The following COL4A6 variants were observed in gnomAD, a reference collection of about 807,000 sequenced individuals.
COL4A6 encodes collagen alpha-6(IV) chain.
Under a neutral mutation model 126.7 loss-of-function variants are expected in COL4A6, and 59 were observed. The observed-to-expected ratio is 0.47, with a 90% CI of 0.38 to 0.58. The LOEUF (loss-of-function observed/expected upper bound fraction) is 0.58, where lower values mean the gene tolerates loss of function less well. COL4A6 is among the 20% of genes least tolerant of loss of function. The pLI is 0.00. For missense variants in COL4A6, 1,285 were observed against 1,337.3 expected (o/e 0.96, Z 0.61); for synonymous variants, 547 against 496.6 (o/e 1.10, Z -1.35).
At chrX:108,239,957 A>G (rs892018636) in intron 3 of COL4A6, among the ~76,000 whole-genome samples, 3 of 111,954 alleles carry the variant, frequency 2.7e-5, no homozygotes, top group Admixed American at 9.5e-5. Flanking sequence ...ATGGCATTGA[A>G]TTTGGCTGGG....
chrX:108,358,656 G>A (rs1439521535), intron 2 of COL4A6, among the ~76,000 whole-genome samples: 1 of 111,664 alleles, frequency 9.0e-6, no homozygotes, highest in Non-Finnish European at 1.9e-5. Context: ...CAGCCTCCCA[G>A]AGTGCTGGGA....
chrX:108,293,742 T>C (rs758188332), intron 3 of COL4A6, among the ~76,000 whole-genome samples: 5 of 111,435 alleles, frequency 4.5e-5, no homozygotes, highest in Non-Finnish European at 9.4e-5. Context: ...CTGGGAATCA[T>C]TGTAGATTCT....
intron 2 of COL4A6, among the ~76,000 whole-genome samples, chrX:108,313,816 A>G (rs2038818735): frequency 8.9e-6 from 1 of 112,316 alleles, no homozygotes; most frequent in Non-Finnish European, 1.9e-5. Flanking sequence ...GAGAATTATT[A>G]TGAATGTAAC....
At chrX:108,269,650 A>C (rs2037397980) in intron 3 of COL4A6, among the ~76,000 whole-genome samples, 1 of 112,103 alleles carries the variant, frequency 8.9e-6, no homozygotes, top group Non-Finnish European at 1.9e-5. Flanking sequence ...GTCAGTAATA[A>C]GCATGTTGAC....
intron 2 of COL4A6, among the ~76,000 whole-genome samples, chrX:108,359,320 G>A (rs1428666341): frequency 1.8e-5 from 2 of 112,317 alleles, no homozygotes; most frequent in African/African-American, 3.2e-5. Flanking sequence ...AATCAGTGAC[G>A]GGAGCTAAGA....
chrX:108,307,677 C>A (rs920391332), intron 3 of COL4A6, among the ~76,000 whole-genome samples: 1 of 112,131 alleles, frequency 8.9e-6, no homozygotes, highest in Admixed American at 9.4e-5. Flanking sequence ...GTTGCCCTCC[C>A]AGCTCAAGAG....
chrX:108,170,489 A>G (rs1271671589), intron 35 of COL4A6, 120 bp downstream of exon 35: 1 of 586,868 alleles, frequency 1.7e-6, no homozygotes. Context: ...ATGATTCCTC[A>G]TGTCCAATGA....
Position 108,292,470 on chromosome X carries a change from A to G in COL4A6, c.144+18278T>C, listed in dbSNP as rs942161620. On this transcript the variant is annotated intron_variant, in intron 3 of 44. Transcript: ENST00000334504. ...GATTGTTATCATTTCCTTTATTAGG[A>G]GTTTATGAAGCTCTTTAAGAGTGAA... is the stretch of plus-strand genomic sequence containing the variant. Among the ~76,000 whole-genome samples, 3 of 111,851 alleles carry G rather than the reference A, an allele frequency of 2.7e-5. No homozygotes were observed. In the East Asian group the frequency reaches 8.5e-4, roughly 32 times the overall value.
chrX:108,213,294 G>A (rs763792367), intron 6 of COL4A6, among the ~76,000 whole-genome samples: 1 of 112,327 alleles, frequency 8.9e-6, no homozygotes, highest in Non-Finnish European at 1.9e-5. Flanking sequence ...ATTATTTCAA[G>A]GGAGGTTGAC....
intron 3 of COL4A6, among the ~76,000 whole-genome samples, chrX:108,247,124 C>T (rs1355977864): frequency 9.1e-6 from 1 of 110,476 alleles, no homozygotes; most frequent in African/African-American, 3.3e-5. Flanking sequence ...CACCTCTCAC[C>T]CCTCACTATT....
In COL4A6 at chrX:108,313,713, A is replaced by G. The variant is rs760325792; in HGVS notation, c.64-2885T>C. Among the ~76,000 whole-genome samples the G allele has an allele frequency of 4.5e-5, 5 of 112,087 alleles. No homozygotes were observed. The East Asian group carries it at 1.1e-3, about 25-fold the overall frequency. ...AAAAAAAAGAAGAAAAGTAATTTAT[A>G]TTAAAAAGATATGTATTTCAATATA... On this transcript the variant is annotated intron_variant, in intron 2 of 44. Coordinates refer to ENST00000334504, the MANE Select transcript of COL4A6 (RefSeq NM_033641.4).
chrX:108,362,161 A>T (rs1191649467), intron 2 of COL4A6, among the ~76,000 whole-genome samples: 1 of 111,397 alleles, frequency 9.0e-6, no homozygotes, highest in Non-Finnish European at 1.9e-5. Context: ...ATAGAAAGTG[A>T]AATAACATAC....
intron 2 of COL4A6, among the ~76,000 whole-genome samples, chrX:108,435,241 T>C (rs186568811): frequency 2.7e-5 from 3 of 111,806 alleles, no homozygotes; most frequent in Non-Finnish European, 5.6e-5. Context: ...GACCTTTTCC[T>C]GAAAGCTCAT....
chrX:108,321,985 G>A (rs1490537009), intron 2 of COL4A6, among the ~76,000 whole-genome samples: 1 of 111,448 alleles, frequency 9.0e-6, no homozygotes, highest in Non-Finnish European at 1.9e-5. Context: ...CAGCTAGGGA[G>A]CAGCATAAAT....
At chrX:108,190,301 T>C in intron 20 of COL4A6, 91 bp downstream of exon 20, 3 of 581,586 alleles carry the variant, frequency 5.2e-6, no homozygotes, top group East Asian at 6.7e-5. Context: ...TTGCTTCTGT[T>C]TAGGTTCCCG....
At chrX:108,305,817 T>C (rs2038613426) in intron 3 of COL4A6, among the ~76,000 whole-genome samples, 1 of 111,716 alleles carries the variant, frequency 9.0e-6, no homozygotes, top group African/African-American at 3.3e-5. Context: ...GGGGAAGACA[T>C]AGATAGAATT....
At chrX:108,304,229 CATATA>C (rs1210346705) in intron 3 of COL4A6, among the ~76,000 whole-genome samples, 1 of 112,113 alleles carries the variant, frequency 8.9e-6, no homozygotes, top group Non-Finnish European at 1.9e-5. Context: ...CTCACTAGTA[CATATA>C]ATATATTCCA....
chrX:108,275,023 C>T (rs974327887), intron 3 of COL4A6, among the ~76,000 whole-genome samples: 1 of 110,975 alleles, frequency 9.0e-6, no homozygotes, highest in African/African-American at 3.3e-5. Context: ...TTCCATAGCA[C>T]AGAATTATTT....
chrX:108,178,735 T>A lies in COL4A6; in HGVS notation c.2464A>T (p.Ile822Phe). Reference sequence around the variant, plus strand: ...CCTGGGAGCCCAGATTTGCCCTTGATGCCATATGGACCACTAGATCCTGGG... The same window carrying A: ...CCTGGGAGCCCAGATTTGCCCTTGAAGCCATATGGACCACTAGATCCTGGG... Reference protein sequence around the residue: ...GTPGSSGPYGIKGKSGLPGAP... With the variant: ...GTPGSSGPYGFKGKSGLPGAP... The change falls in exon 27 of 45, where the codon ATC becomes TTC. Residue 822 changes from isoleucine (I) to phenylalanine (F), a missense_variant. Transcript: ENST00000334504. The A allele has an allele frequency of 8.3e-7, 1 of 1,211,740 alleles. No homozygotes were observed. Among genetic ancestry groups the A allele is most frequent in the Non-Finnish European group, 1.1e-6 (1 of 895,458 alleles).
Sources: gnomAD v4.1 joint callset for allele counts (sites outside exome capture counted in the v4.1 genomes callset) on GRCh38, gnomAD v4.1.1 for gene constraint, MANE v1.5 for transcripts, NCBI Gene and HGNC (gene_info 2026-07-23, HGNC 2026-07-21) for gene names.